The following OSBPL1A variants were observed in gnomAD, a reference collection of about 807,000 sequenced individuals.
OSBPL1A encodes the protein oxysterol binding protein like 1A, also known as oxysterol-binding protein-related protein 1.
OSBPL1A carries 80 observed loss-of-function variants against 137.1 expected under a neutral mutation model. The ratio of observed to expected loss-of-function variants is 0.58; its 90% CI spans 0.49 to 0.70. The LOEUF is 0.70. OSBPL1A is among the 30% of genes least tolerant of loss of function. The pLI is 0.00. For synonymous variants in OSBPL1A, 365 were observed against 389.7 expected, an observed-to-expected ratio of 0.94 and a Z score of 0.75; for missense variants, 970 against 1,129.4, an observed-to-expected ratio of 0.86 and a Z score of 2.02.
intron 1 of OSBPL1A, among the ~76,000 whole-genome samples, chr18:24,393,490 T>C (rs1030486413): frequency 1.3e-5 from 2 of 152,254 alleles, no homozygotes; most frequent in Non-Finnish European, 2.9e-5. Context: ...TCTCGCTCTG[T>C]CGCCTAGGCT....
At chr18:24,365,181 AG>A (rs1391438050) in intron 4 of OSBPL1A, among the ~76,000 whole-genome samples, 3 of 152,228 alleles carry the variant, frequency 2.0e-5, no homozygotes, top group African/African-American at 7.2e-5. Flanking sequence ...TGGAATATTC[AG>A]CCATAAAAAA....
chr18:24,265,053 C>T (rs2089538538), intron 15 of OSBPL1A, among the ~76,000 whole-genome samples: 1 of 152,216 alleles, frequency 6.6e-6, no homozygotes, highest in Non-Finnish European at 1.5e-5. Context: ...CCAATAAAAC[C>T]TCTGAAGACC....
chr18:24,338,370 G>A (rs563148379), intron 5 of OSBPL1A, among the ~76,000 whole-genome samples: 4 of 152,000 alleles, frequency 2.6e-5, no homozygotes, highest in Admixed American at 6.6e-5. Flanking sequence ...ATGAGCCACC[G>A]TGCCCGGCCG....
chr18:24,223,061 C>T (rs1344161674), intron 17 of OSBPL1A, among the ~76,000 whole-genome samples: 1 of 152,012 alleles, frequency 6.6e-6, no homozygotes, highest in Non-Finnish European at 1.5e-5. Context: ...ATTTTTTGGT[C>T]ACTTCAGGCT....
chr18:24,214,144 T>G (rs2087625536), intron 17 of OSBPL1A, among the ~76,000 whole-genome samples: 1 of 152,176 alleles, frequency 6.6e-6, no homozygotes, highest in Non-Finnish European at 1.5e-5. Flanking sequence ...CCTTTATCTC[T>G]AAGAATAACT....
Position 24,168,818 on chromosome 18 carries a change from C to T in OSBPL1A, c.2419-1373G>A, listed in dbSNP as rs77683390. Among the ~76,000 whole-genome samples, 582 of 152,306 alleles carry T rather than the reference C, an allele frequency of 3.8e-3. 6 individuals are homozygous for T. The highest frequency in any genetic ancestry group is 0.013 in the African/African-American group (559 of 41,560). Reference sequence around the variant, plus strand: ...AAAAGCAGTGGATGTGTGAGAATACCTGCTCTCTCCAATGGGAAAAAAAAA... The same window carrying T: ...AAAAGCAGTGGATGTGTGAGAATACTTGCTCTCTCCAATGGGAAAAAAAAA... On this transcript the variant is annotated intron_variant, in intron 24 of 27. Coordinates refer to ENST00000319481, the MANE Select transcript of OSBPL1A (RefSeq NM_080597.4).
Position 24,358,571 on chromosome 18 carries a change from C to T in OSBPL1A, c.282+8321G>A, listed in dbSNP as rs527630892. ...TCATTCTCCATCAAATGAAACGATA[C>T]GTGTCAAGTTGTCTGGGCATCGCCT... On this transcript the variant is annotated intron_variant, in intron 4 of 27. Transcript: ENST00000319481. 22 of 700,114 alleles carry T rather than the reference C, an allele frequency of 3.1e-5. 1 individual carries two copies. Among genetic ancestry groups the T allele is most frequent in the African/African-American group, 1.6e-4 (9 of 57,336 alleles). 43.4% of individuals were successfully genotyped at this position (700,114 alleles called of 1,614,324 possible). A position where few individuals can be genotyped will look rare whatever the true frequency, so the allele number is the denominator to read the frequency against.
At chr18:24,353,068 G>A (rs1303096379) in intron 4 of OSBPL1A, among the ~76,000 whole-genome samples, 3 of 152,014 alleles carry the variant, frequency 2.0e-5, no homozygotes, top group African/African-American at 7.2e-5. Context: ...TTGACAAATG[G>A]GATCTAATTA....
Position 24,385,701 on chromosome 18 carries a change from G to A in OSBPL1A, c.-2-8166C>T, listed in dbSNP as rs373257491. 1.3e-4 allele frequency among the ~76,000 whole-genome samples: 20 copies of A among 152,264 alleles called. No homozygotes were observed. The South Asian group carries it at 3.9e-3, about 30-fold the overall frequency. ...TGGCAAATAGAAGAAGGCCACTGAC[G>A]AGCTCCAAGAGTATCTCCAGTGGAA... On this transcript the variant is annotated intron_variant, in intron 1 of 27. Transcript: ENST00000319481.
At chr18:24,249,154 G>A (rs2088993615) in intron 15 of OSBPL1A, among the ~76,000 whole-genome samples, 1 of 152,120 alleles carries the variant, frequency 6.6e-6, no homozygotes, top group African/African-American at 2.4e-5. Context: ...TCTCATATGA[G>A]GAACTTCCAC....
At chr18:24,255,137 C>T (rs1314142064) in intron 15 of OSBPL1A, among the ~76,000 whole-genome samples, 3 of 152,018 alleles carry the variant, frequency 2.0e-5, no homozygotes, top group Non-Finnish European at 2.9e-5. Flanking sequence ...TAAACCTACA[C>T]CAAGATTGAA....
chr18:24,171,344 T>C, intron 23 of OSBPL1A, 65 bp downstream of exon 23: 1 of 1,297,186 alleles, frequency 7.7e-7, no homozygotes, highest in Admixed American at 1.8e-5. Flanking sequence ...CAATGTATTT[T>C]AATACCGACA....
chr18:24,248,666 T>C (rs778673324), intron 15 of OSBPL1A, among the ~76,000 whole-genome samples: 2 of 152,200 alleles, frequency 1.3e-5, no homozygotes, highest in Non-Finnish European at 2.9e-5. Context: ...TTCCAAACTG[T>C]ACCTTCAGAC....
chr18:24,393,114 TCTAA>T (rs1454714935), intron 1 of OSBPL1A, among the ~76,000 whole-genome samples: 10 of 152,356 alleles, frequency 6.6e-5, no homozygotes, highest in African/African-American at 1.9e-4. Context: ...ACTTATTTGC[TCTAA>T]CTATGATTAG....
chr18:24,166,735 T>A (rs1029087636), intron 25 of OSBPL1A, 33 bp from the exon 26 acceptor site: 1 of 1,595,986 alleles, frequency 6.3e-7, no homozygotes, highest in Non-Finnish European at 8.5e-7. Context: ...AATTAAAATA[T>A]GCCAAGGCAT....
intron 13 of OSBPL1A, among the ~76,000 whole-genome samples, chr18:24,305,596 T>C (rs531949742): frequency 7.4e-4 from 112 of 152,380 alleles, no homozygotes; most frequent in South Asian, 5.6e-3. Context: ...TAATTCTTAT[T>C]AATATTTTGC....
intron 26 of OSBPL1A, 116 bp downstream of exon 26, chr18:24,166,463 C>T: frequency 7.6e-7 from 1 of 1,317,602 alleles, no homozygotes; most frequent in Non-Finnish European, 1.0e-6. Flanking sequence ...AACTTAATCT[C>T]TAAGAGAGAC....
intron 5 of OSBPL1A, among the ~76,000 whole-genome samples, chr18:24,340,859 C>T (rs1293525496): frequency 6.6e-6 from 1 of 152,184 alleles, no homozygotes; most frequent in East Asian, 1.9e-4. Flanking sequence ...GTTGCACTGC[C>T]ACCTCTTACT....
chr18:24,217,186 G>A (rs1324840053), intron 17 of OSBPL1A, among the ~76,000 whole-genome samples: 1 of 151,500 alleles, frequency 6.6e-6, no homozygotes, highest in Non-Finnish European at 1.5e-5. Context: ...GGATGCTAGG[G>A]AACCAATATA....
Sources: gnomAD v4.1 joint callset for allele counts (sites outside exome capture counted in the v4.1 genomes callset) on GRCh38, gnomAD v4.1.1 for gene constraint, MANE v1.5 for transcripts, NCBI Gene and HGNC (gene_info 2026-07-23, HGNC 2026-07-21) for gene names.